DNM1: variants seen among roughly 807,000 people sequenced by gnomAD.
DNM1 encodes dynamin-1.
DNM1 carries 29 observed loss-of-function variants against 104.6 expected under a neutral mutation model. That is an observed-to-expected ratio of 0.28 (90% CI 0.21 to 0.38). DNM1 has a LOEUF of 0.38. Ranked by LOEUF, DNM1 falls within the 10% of genes least tolerant of loss-of-function variation. The pLI is 1.00. For missense variants in DNM1, 640 were observed against 1,189.4 expected (o/e 0.54, Z 6.79); for synonymous variants, 445 against 475.8 (o/e 0.94, Z 0.84).
intron 6 of DNM1, among the ~76,000 whole-genome samples, chr9:128,221,411 C>T (rs1835014312): frequency 6.6e-6 from 1 of 152,104 alleles, no homozygotes; most frequent in Non-Finnish European, 1.5e-5. Context: ...TCTATTTCTG[C>T]ATCTGTAAAA....
At chr9:128,226,875 C>G (rs988795835) in intron 10 of DNM1, among the ~76,000 whole-genome samples, 3 of 152,120 alleles carry the variant, frequency 2.0e-5, no homozygotes, top group African/African-American at 7.2e-5. Flanking sequence ...GCAGGAGCTT[C>G]TCCAGCAGGC....
chr9:128,244,116 G>A (rs1836591509), intron 15 of DNM1, among the ~76,000 whole-genome samples: 1 of 149,472 alleles, frequency 6.7e-6, no homozygotes, highest in South Asian at 2.1e-4. Context: ...CCTGTGCTTG[G>A]GGTGTAAAAG....
intron 10 of DNM1, among the ~76,000 whole-genome samples, chr9:128,231,554 C>CA (rs1242447826): frequency 6.6e-6 from 1 of 152,100 alleles, no homozygotes; most frequent in African/African-American, 2.4e-5. Flanking sequence ...TCCTTATAGG[C>CA]AAAACTCACC....
At position 128,240,037 on chromosome 9, in the gene DNM1, G is replaced by A. The variant is rs1466560097; in HGVS notation, c.1557+41G>A. 9 of 1,613,152 alleles carry A rather than the reference G, an allele frequency of 5.6e-6. No homozygotes were observed. In the East Asian group the frequency reaches 6.7e-5, roughly 12 times the overall value. ...GGGGCTCTCGGCTTGTGTAGTGAGG[G>A]GGCGGAGGGTCCATCGGCAGTGGGG... On this transcript the variant is annotated intron_variant, in intron 14 of 21. Coordinates refer to ENST00000372923, the MANE Select transcript of DNM1 (RefSeq NM_004408.4). This position sits in a 1 kb window ranked among gnomAD's most constrained non-coding sequence, Gnocchi z 5.1.
rs893342212 is a variant in DNM1, at chr9:128,255,196, C to T, written c.*482C>T. 3 of 157,978 alleles carry T rather than the reference C, an allele frequency of 1.9e-5. No homozygotes were observed. The highest frequency in any genetic ancestry group is 7.2e-5 in the African/African-American group (3 of 41,488). 9.8% of individuals were successfully genotyped at this position (157,978 alleles called of 1,614,324 possible). On this transcript the variant is annotated 3_prime_UTR_variant, in exon 22 of 22. Transcript: ENST00000372923. ...GTGTGGCCTGACAGTTTCTACCAGT[C>T]CTGCTGTCCCTCGGCTGAGAATAAA... is the stretch of plus-strand genomic sequence containing the variant.
chr9:128,224,376 A>T lies in DNM1; in HGVS notation c.1322A>T (p.Gln441Leu). The T allele has an allele frequency of 6.2e-7, 1 of 1,609,728 alleles. No homozygotes were observed. Among genetic ancestry groups the T allele is most frequent in the Non-Finnish European group, 8.5e-7 (1 of 1,176,850 alleles). ...TCGGAGCTAATCAGCACCGTTAGAC[A>T]GTGCACCAAGAAGGTAACCCGGAGG... ...VISELISTVRQCTKKLQQYPR... is the reference protein window; with the variant it reads ...VISELISTVRLCTKKLQQYPR... The change falls in exon 10 of 22, where the codon CAG (glutamine) becomes CTG (leucine). Residue 441 changes from glutamine (Q) to leucine (L), a missense_variant. Physicochemically the swap from Gln to Leu is moderately radical, Grantham distance 113 (BLOSUM62 -2). Around this residue, in one of 7 missense-constraint regions of DNM1, gnomAD observed 92 missense variants for 124.4 expected, o/e 0.74. Coordinates refer to ENST00000372923, the MANE Select transcript of DNM1 (RefSeq NM_004408.4). This position sits in a 1 kb window ranked among gnomAD's most constrained non-coding sequence, Gnocchi z 4.3.
At chr9:128,209,196 G>T (rs1311243721) in intron 1 of DNM1, among the ~76,000 whole-genome samples, 3 of 152,194 alleles carry the variant, frequency 2.0e-5, no homozygotes, top group African/African-American at 7.2e-5. Flanking sequence ...CACACCCCTG[G>T]GGCTGGAAAC....
Position 128,254,373 on chromosome 9 carries a change from C to A in DNM1, c.2535-281C>A, listed in dbSNP as rs1829719114. 4 of 1,408,890 alleles carry A rather than the reference C, an allele frequency of 2.8e-6. No homozygotes were observed. Among genetic ancestry groups the A allele is most frequent in the Non-Finnish European group, 3.7e-6 (4 of 1,090,212 alleles). The allele number at this position is 1,408,890 out of a possible 1,614,324, so 87.3% of individuals were successfully genotyped here. A position where few individuals can be genotyped will look rare whatever the true frequency, so the allele number is the denominator to read the frequency against. The stretch of plus-strand genomic sequence containing the variant: ...TCAGCCTGAATTGCGGGTGCCCTGC[C>A]TGGGTGCCGTGTGAGAGGCCAGCGT... On this transcript the variant is annotated intron_variant, in intron 21 of 21. Coordinates refer to ENST00000372923, the MANE Select transcript of DNM1 (RefSeq NM_004408.4). This position sits in a 1 kb window ranked among gnomAD's most constrained non-coding sequence, Gnocchi z 6.1.
At chr9:128,246,804 C>T (rs1836855854) in intron 16 of DNM1, 1 of 444,996 alleles carries the variant, frequency 2.2e-6, no homozygotes, top group Non-Finnish European at 4.2e-6. Context: ...CCCCTTCCCT[C>T]CCTCCCTCCG....
In DNM1 at chr9:128,220,905, C is replaced by CTTTCTTTCTTTCTT. The variant is rs1834943900; in HGVS notation, c.849+566_849+579dup. On this transcript the variant is annotated intron_variant, in intron 6 of 21. Transcript: ENST00000372923. This position sits in a 1 kb window ranked among gnomAD's most constrained non-coding sequence, Gnocchi z 5.2. ...ATTTGTTTTCTTTCTTTCTTTCTTTCTTTCTTTCTTTCTTTCTTTCTTTCT... is the reference window on the plus strand; with the variant it reads ...ATTTGTTTTCTTTCTTTCTTTCTTTCTTTCTTTCTTTCTTTTTCTTTCTTTCTTTCTTTCTTTCT... Among the ~76,000 whole-genome samples the CTTTCTTTCTTTCTT allele has an allele frequency of 1.4e-5, 2 of 146,328 alleles. No individual in the cohort carries two copies. Among genetic ancestry groups the CTTTCTTTCTTTCTT allele is most frequent in the Non-Finnish European group, 1.5e-5 (1 of 66,148 alleles).
At chr9:128,251,465 G>A in intron 21 of DNM1, 1 of 261,792 alleles carries the variant, frequency 3.8e-6, no homozygotes, top group Non-Finnish European at 7.7e-6. Context: ...GCCCACAGGA[G>A]CAGAGGCCAG....
chr9:128,210,010 A>C (rs1238188136), intron 1 of DNM1, among the ~76,000 whole-genome samples: 1 of 152,076 alleles, frequency 6.6e-6, no homozygotes, highest in Non-Finnish European at 1.5e-5. Flanking sequence ...GTCTTCTATC[A>C]TTCCAAGTTT....
chr9:128,203,695 G>A lies in DNM1; in HGVS notation c.161+64G>A. The A allele has an allele frequency of 2.9e-6, 4 of 1,363,292 alleles. No homozygotes were observed. Among genetic ancestry groups the A allele is most frequent in the Non-Finnish European group, 3.8e-6 (4 of 1,059,730 alleles). 84.4% of individuals were successfully genotyped at this position (1,363,292 alleles called of 1,614,324 possible). A position where few individuals can be genotyped will look rare whatever the true frequency, so the allele number is the denominator to read the frequency against. Reference sequence around the variant, plus strand: ...CCGGGATCCCTGGAGTCCCCGCCCGGGGCACTGACGGCGCGGCGACCTCGC... The same window carrying A: ...CCGGGATCCCTGGAGTCCCCGCCCGAGGCACTGACGGCGCGGCGACCTCGC... On this transcript the variant is annotated intron_variant, in intron 1 of 21. Transcript: ENST00000372923. The surrounding 1 kb of genome is among the most constrained non-coding windows in gnomAD (Gnocchi z 5.3).
Position 128,224,608 on chromosome 9 carries a change from T to G in DNM1, c.1335+219T>G, listed in dbSNP as rs1835232472. ...TGGGGACCCAGGGATTGGACATGGG[T>G]GAGACGGGGATGATGGCTGGCTGTT... On this transcript the variant is annotated intron_variant, in intron 10 of 21. Coordinates refer to ENST00000372923, the MANE Select transcript of DNM1 (RefSeq NM_004408.4). The surrounding 1 kb of genome is among the most constrained non-coding windows in gnomAD (Gnocchi z 4.3). Among the ~76,000 whole-genome samples, 1 of 151,568 alleles carries G rather than the reference T, an allele frequency of 6.6e-6. No homozygotes were observed. The highest frequency in any genetic ancestry group is 6.6e-5 in the Admixed American group (1 of 15,252).
In DNM1 at chr9:128,207,277, G is replaced by C. The variant is rs76736276; in HGVS notation, c.161+3646G>C. Among the ~76,000 whole-genome samples the C allele has an allele frequency of 7.8e-4, 119 of 152,176 alleles. 1 individual carries two copies. The East Asian group carries it at 0.011, about 14-fold the overall frequency. On this transcript the variant is annotated intron_variant, in intron 1 of 21. Coordinates refer to ENST00000372923, the MANE Select transcript of DNM1 (RefSeq NM_004408.4). ...TTGGTGATGCAAGTTGAGAGCTCAG[G>C]GGGAAGACGGGCTGGAAGTAAAAAT...
At chr9:128,211,684 C>T (rs1834311832) in intron 1 of DNM1, among the ~76,000 whole-genome samples, 1 of 151,998 alleles carries the variant, frequency 6.6e-6, no homozygotes, top group Non-Finnish European at 1.5e-5. Flanking sequence ...AAGCTCTTCA[C>T]CCTGCCGTTG....
Position 128,234,083 on chromosome 9 carries a change from G to C in DNM1, c.1398G>C (p.Glu466Asp). 6.4e-7 allele frequency: 1 copy of C among 1,572,396 alleles called. No individual in the cohort carries two copies. The highest frequency in any genetic ancestry group is 8.6e-7 in the Non-Finnish European group (1 of 1,159,664). The change falls in exon 11 of 22, where the codon GAG (glutamate) becomes GAC (aspartate). Residue 466 changes from glutamate (E) to aspartate (D), a missense_variant. Physicochemically the swap from Glu to Asp is conservative, Grantham distance 45. Transcript: ENST00000372923. ...GCATCGTGACCACCCACATCCGGGA[G>C]CGCGAGGGCCGCACTAAGGAGCAGG... ...MERIVTTHIR[E>D]REGRTKEQVM...
At chr9:128,251,095 G>A in intron 21 of DNM1, 155 bp downstream of exon 21, 1 of 661,492 alleles carries the variant, frequency 1.5e-6, no homozygotes, top group Admixed American at 2.4e-5. Flanking sequence ...CGCCACGTGT[G>A]GCCGAGGGCT....
Position 128,240,037 on chromosome 9 carries a change from G to T in DNM1, c.1557+41G>T. 1 of 1,613,270 alleles carries T rather than the reference G, an allele frequency of 6.2e-7. No individual in the cohort carries two copies. The highest frequency in any genetic ancestry group is 8.5e-7 in the Non-Finnish European group (1 of 1,179,308). On this transcript the variant is annotated intron_variant, in intron 14 of 21. Coordinates refer to ENST00000372923, the MANE Select transcript of DNM1 (RefSeq NM_004408.4). This position sits in a 1 kb window ranked among gnomAD's most constrained non-coding sequence, Gnocchi z 5.1. ...GGGGCTCTCGGCTTGTGTAGTGAGG[G>T]GGCGGAGGGTCCATCGGCAGTGGGG...
Sources: gnomAD v4.1 joint callset for allele counts (sites outside exome capture counted in the v4.1 genomes callset) on GRCh38, gnomAD v4.1.1 for gene constraint, gnomAD v4.1.1 regional missense constraint, Gnocchi (gnomAD v3.1) non-coding constraint, MANE v1.5 for transcripts, NCBI Gene and HGNC (gene_info 2026-07-23, HGNC 2026-07-21) for gene names.